KIRREL3: variants seen among roughly 807,000 people sequenced by gnomAD.
KIRREL3 encodes the protein kin of IRRE-like protein 3.
In KIRREL3, 36 loss-of-function variants were observed where a neutral mutation model predicts 89.7. That is an observed-to-expected ratio of 0.40 (90% CI 0.31 to 0.53). The LOEUF is 0.53. KIRREL3 is among the 20% of genes least tolerant of loss of function. The pLI, the probability that KIRREL3 is intolerant of heterozygous loss-of-function variation, is 0.49. For missense variants in KIRREL3, 864 were observed against 1,056.6 expected (o/e 0.82, Z 2.53); for synonymous variants, 445 against 441.4 (o/e 1.01, Z -0.10).
intron 1 of KIRREL3, among the ~76,000 whole-genome samples, chr11:126,816,571 T>C (rs887067954): frequency 6.6e-6 from 1 of 152,250 alleles, no homozygotes; most frequent in Non-Finnish European, 1.5e-5. Flanking sequence ...TTCCATTTTA[T>C]AATCTCTCAG....
At position 126,612,278 on chromosome 11, in the gene KIRREL3, T is replaced by G. The variant is rs1325876916; in HGVS notation, c.56-49366A>C. Among the ~76,000 whole-genome samples the G allele has an allele frequency of 6.6e-6, 1 of 151,546 alleles. No individual in the cohort carries two copies. On this transcript the variant is annotated intron_variant, in intron 1 of 16. Transcript: ENST00000525144. This position sits in a 1 kb window ranked among gnomAD's most constrained non-coding sequence, Gnocchi z 4.5. ...GAATTTGAGTATTATATGGACACCC[T>G]TGGCATATAATAAATGCTCCCTCAG...
intron 1 of KIRREL3, among the ~76,000 whole-genome samples, chr11:126,586,360 G>A (rs1459870660): frequency 2.0e-5 from 3 of 152,106 alleles, no homozygotes; most frequent in East Asian, 3.9e-4. Flanking sequence ...AGCTCGGACT[G>A]GATAGTTACC....
intron 1 of KIRREL3, among the ~76,000 whole-genome samples, chr11:126,882,828 A>G (rs1297875691): frequency 6.6e-6 from 1 of 152,216 alleles, no homozygotes; most frequent in Non-Finnish European, 1.5e-5. Context: ...CAGAAACTGT[A>G]AAACTCAACC....
chr11:126,621,347 A>G (rs372380823), intron 1 of KIRREL3, among the ~76,000 whole-genome samples: 45 of 152,304 alleles, frequency 3.0e-4, no homozygotes, highest in African/African-American at 1.0e-3. Context: ...AGCTAAAGGA[A>G]AAATAGGAAA....
chr11:126,823,802 C>T (rs949228427), intron 1 of KIRREL3, among the ~76,000 whole-genome samples: 6 of 152,306 alleles, frequency 3.9e-5, no homozygotes, highest in African/African-American at 1.4e-4. Context: ...AAGCTTTCTG[C>T]TGCTACAGTG....
In KIRREL3 at chr11:126,782,759, T is replaced by A. The variant is rs1333433876; in HGVS notation, c.55+217696A>T. ...ATATTTAGCTTAATATAGATATAGA[T>A]GTTATGTATGGAAATATTTATAGCT... On this transcript the variant is annotated intron_variant, in intron 1 of 16. Transcript: ENST00000525144. The surrounding 1 kb of genome is among the most constrained non-coding windows in gnomAD (Gnocchi z 4.1). 1.3e-5 allele frequency among the ~76,000 whole-genome samples: 2 copies of A among 152,202 alleles called. No homozygotes were observed. The highest frequency in any genetic ancestry group is 1.5e-5 in the Non-Finnish European group (1 of 68,042).
chr11:126,681,332 A>G (rs932085808), intron 1 of KIRREL3, among the ~76,000 whole-genome samples: 2 of 152,224 alleles, frequency 1.3e-5, no homozygotes, highest in African/African-American at 4.8e-5. Context: ...TGTCCAGGAA[A>G]AGTGATGATT....
chr11:126,972,111 G>A (rs1463653747), intron 1 of KIRREL3, among the ~76,000 whole-genome samples: 1 of 149,372 alleles, frequency 6.7e-6, no homozygotes, highest in Admixed American at 6.7e-5. Flanking sequence ...AAATATCACA[G>A]GGTAAAATGA....
At chr11:126,818,602 G>A (rs1471712508) in intron 1 of KIRREL3, among the ~76,000 whole-genome samples, 1 of 39,514 alleles carries the variant, frequency 2.5e-5, no homozygotes, top group Non-Finnish European at 4.3e-5. Flanking sequence ...AGCAGAAATT[G>A]TGTAGTAGTA....
rs954963967 is a variant in KIRREL3, at chr11:126,628,930, A to G, written c.56-66018T>C. Among the ~76,000 whole-genome samples the G allele has an allele frequency of 1.3e-5, 2 of 152,188 alleles. No individual in the cohort carries two copies. Among genetic ancestry groups the G allele is most frequent in the African/African-American group, 4.8e-5 (2 of 41,454 alleles). ...CCAGCCCAGCAGAGGCACCAAACCCACGCAATTTGTAAATCTTTGATAATG... is the reference window on the plus strand; with the variant it reads ...CCAGCCCAGCAGAGGCACCAAACCCGCGCAATTTGTAAATCTTTGATAATG... On this transcript the variant is annotated intron_variant, in intron 1 of 16. Coordinates refer to ENST00000525144, the MANE Select transcript of KIRREL3 (RefSeq NM_032531.4). The surrounding 1 kb of genome is among the most constrained non-coding windows in gnomAD (Gnocchi z 5.2).
chr11:126,683,871 C>A lies in KIRREL3; in HGVS notation c.56-120959G>T, dbSNP rs1946566194. ...GCCAGGCCCCAGACGCGCGTGGGTC[C>A]ACCTACCGTCCATCTACCGGGGTCA... is the stretch of plus-strand genomic sequence containing the variant. On this transcript the variant is annotated intron_variant, in intron 1 of 16. Coordinates refer to ENST00000525144, the MANE Select transcript of KIRREL3 (RefSeq NM_032531.4). This position sits in a 1 kb window ranked among gnomAD's most constrained non-coding sequence, Gnocchi z 5.2. 6.6e-6 allele frequency among the ~76,000 whole-genome samples: 1 copy of A among 152,242 alleles called. No individual in the cohort carries two copies.
rs369359709 is a variant in KIRREL3, at chr11:126,805,145, T to C, written c.55+195310A>G. Among the ~76,000 whole-genome samples, 183 of 152,342 alleles carry C rather than the reference T, an allele frequency of 1.2e-3. 3 individuals are homozygous for C. The South Asian group carries it at 0.036, about 30-fold the overall frequency. On this transcript the variant is annotated intron_variant, in intron 1 of 16. Transcript: ENST00000525144. This position sits in a 1 kb window ranked among gnomAD's most constrained non-coding sequence, Gnocchi z 4.3. The stretch of plus-strand genomic sequence containing the variant: ...GGAGTTATATGTGTGTGCATGTATG[T>C]ATTCATACATTAATGTATTAAGGTA...
In KIRREL3 at chr11:126,455,805, C is replaced by A. The variant is rs1229035363; in HGVS notation, c.848+544G>T. On this transcript the variant is annotated intron_variant, in intron 7 of 16. Transcript: ENST00000525144. This position sits in a 1 kb window ranked among gnomAD's most constrained non-coding sequence, Gnocchi z 6.4. ...GAGCGAGACTCTGTCTCAAAACAAACAAAGAAACAAACAAACAAACAAACC... is the reference window on the plus strand; with the variant it reads ...GAGCGAGACTCTGTCTCAAAACAAAAAAAGAAACAAACAAACAAACAAACC... Among the ~76,000 whole-genome samples, 1 of 151,728 alleles carries A rather than the reference C, an allele frequency of 6.6e-6. No homozygotes were observed. Among genetic ancestry groups the A allele is most frequent in the Non-Finnish European group, 1.5e-5 (1 of 67,974 alleles).
rs1344886893 is a variant in KIRREL3, at chr11:126,441,052, C to G, written c.1253-503G>C. On this transcript the variant is annotated intron_variant, in intron 10 of 16. Coordinates refer to ENST00000525144, the MANE Select transcript of KIRREL3 (RefSeq NM_032531.4). The surrounding 1 kb of genome is among the most constrained non-coding windows in gnomAD (Gnocchi z 5.0). ...AACAAATGGGAGCTGCTCGGCCAGA[C>G]GGGCCAACGGGAAGAAATGGTTGCT... Among the ~76,000 whole-genome samples, 2 of 152,226 alleles carry G rather than the reference C, an allele frequency of 1.3e-5. No individual in the cohort carries two copies. The highest frequency in any genetic ancestry group is 2.9e-5 in the Non-Finnish European group (2 of 68,052).
chr11:126,460,960 G>A (rs778641057), intron 6 of KIRREL3, among the ~76,000 whole-genome samples: 2 of 152,240 alleles, frequency 1.3e-5, no homozygotes, highest in Non-Finnish European at 2.9e-5. Context: ...GAGGGTGGTG[G>A]TGGTGGCAGT....
At position 126,814,627 on chromosome 11, in the gene KIRREL3, A is replaced by G. The variant is rs998735264; in HGVS notation, c.55+185828T>C. On this transcript the variant is annotated intron_variant, in intron 1 of 16. Coordinates refer to ENST00000525144, the MANE Select transcript of KIRREL3 (RefSeq NM_032531.4). The surrounding 1 kb of genome is among the most constrained non-coding windows in gnomAD (Gnocchi z 4.4). ...GATCATGTCCTTTGCAGGGACATGGATGGAGCTGGAAGCCATTATCCTCAG... is the reference window on the plus strand; with the variant it reads ...GATCATGTCCTTTGCAGGGACATGGGTGGAGCTGGAAGCCATTATCCTCAG... Among the ~76,000 whole-genome samples the G allele has an allele frequency of 2.0e-5, 3 of 152,210 alleles. No individual in the cohort carries two copies. Among genetic ancestry groups the G allele is most frequent in the African/African-American group, 7.2e-5 (3 of 41,462 alleles).
chr11:126,465,534 G>T (rs549032222), intron 5 of KIRREL3, among the ~76,000 whole-genome samples: 1 of 152,278 alleles, frequency 6.6e-6, no homozygotes, highest in Non-Finnish European at 1.5e-5. Flanking sequence ...ATTCAGTGAG[G>T]TTTTTCTCAA....
chr11:126,509,667 G>T (rs967288540), intron 4 of KIRREL3, among the ~76,000 whole-genome samples: 12 of 152,140 alleles, frequency 7.9e-5, no homozygotes, highest in African/African-American at 2.7e-4. Context: ...CTGCCTTGTG[G>T]CATCCTGCCA....
rs1035916222 is a variant in KIRREL3 at position 126,454,900 on chromosome 11, A to G, written c.848+1449T>C. On this transcript the variant is annotated intron_variant, in intron 7 of 16. Transcript: ENST00000525144. The surrounding 1 kb of genome is among the most constrained non-coding windows in gnomAD (Gnocchi z 5.8). ...ATCCTATTTAAAAATATCCTTGGGG[A>G]TAGGAACTCTGGGCTCTGCCTGGGT... 6.6e-6 allele frequency among the ~76,000 whole-genome samples: 1 copy of G among 152,148 alleles called. No homozygotes were observed. The highest frequency in any genetic ancestry group is 1.5e-5 in the Non-Finnish European group (1 of 68,026).
Sources: gnomAD v4.1 joint callset for allele counts (sites outside exome capture counted in the v4.1 genomes callset) on GRCh38, gnomAD v4.1.1 for gene constraint, Gnocchi (gnomAD v3.1) non-coding constraint, MANE v1.5 for transcripts, NCBI Gene and HGNC (gene_info 2026-07-23, HGNC 2026-07-21) for gene names.